SLC6A11: variants seen among roughly 807,000 people sequenced by gnomAD.
SLC6A11 encodes sodium- and chloride-dependent GABA transporter 3.
In SLC6A11, 25 loss-of-function variants were observed where a neutral mutation model predicts 74.8. That is an observed-to-expected ratio of 0.33 (90% confidence interval 0.24 to 0.47). The LOEUF (loss-of-function observed/expected upper bound fraction) is 0.47, where lower values mean the gene tolerates loss of function less well. Among genes scored for constraint, SLC6A11 ranks in the 20% least tolerant of loss-of-function variants. SLC6A11 has a pLI of 1.00. For synonymous variants in SLC6A11, 330 were observed against 330.2 expected (o/e 1.00, Z 0.01); for missense variants, 574 against 837.0 (o/e 0.69, Z 3.88).
chr3:10,917,454 C>G (rs949199284), intron 7 of SLC6A11, among the ~76,000 whole-genome samples: 12 of 152,144 alleles, frequency 7.9e-5, no homozygotes, highest in Non-Finnish European at 1.5e-4. Context: ...AGCTCCTCCC[C>G]TATAAAATGG....
At chr3:10,878,644 A>T (rs1201099475) in intron 6 of SLC6A11, among the ~76,000 whole-genome samples, 1 of 149,258 alleles carries the variant, frequency 6.7e-6, no homozygotes, top group Non-Finnish European at 1.5e-5. Context: ...CAAACTCCTG[A>T]CCTCGTGATC....
rs1039838660 is a variant in SLC6A11, at chr3:10,926,286, T to C, written c.1233+170T>C. 1.3e-5 allele frequency among the ~76,000 whole-genome samples: 2 copies of C among 150,986 alleles called. No homozygotes were observed. Among genetic ancestry groups the C allele is most frequent in the African/African-American group, 4.9e-5 (2 of 41,120 alleles). Reference sequence around the variant, plus strand: ...CCCTCCACTTCCCTCCCAGCAACTCTTGCACCCCCGCCATCCACCAGGTGG... The same window carrying C: ...CCCTCCACTTCCCTCCCAGCAACTCCTGCACCCCCGCCATCCACCAGGTGG... On this transcript the variant is annotated intron_variant, in intron 9 of 13. Transcript: ENST00000254488. This position sits in a 1 kb window ranked among gnomAD's most constrained non-coding sequence, Gnocchi z 5.7.
intron 4 of SLC6A11, among the ~76,000 whole-genome samples, chr3:10,843,166 C>T (rs1430886926): frequency 1.3e-5 from 2 of 152,046 alleles, no homozygotes; most frequent in Non-Finnish European, 2.9e-5. Context: ...GAACACAAAC[C>T]CCAAGCGTGG....
intron 6 of SLC6A11, among the ~76,000 whole-genome samples, chr3:10,888,294 A>C (rs1180126104): frequency 1.3e-5 from 2 of 152,208 alleles, no homozygotes; most frequent in African/African-American, 2.4e-5. Context: ...AGCTGTTTAG[A>C]AAGGGCAAGC....
chr3:10,867,684 G>A (rs1253728310), intron 5 of SLC6A11, among the ~76,000 whole-genome samples: 1 of 152,148 alleles, frequency 6.6e-6, no homozygotes, highest in African/African-American at 2.4e-5. Context: ...GTGGTCCACG[G>A]GATGATTTCA....
intron 6 of SLC6A11, among the ~76,000 whole-genome samples, chr3:10,896,359 G>A (rs1454996977): frequency 6.6e-6 from 1 of 152,212 alleles, no homozygotes; most frequent in Non-Finnish European, 1.5e-5. Context: ...CATTTACTGT[G>A]AGCCAGGTGC....
intron 6 of SLC6A11, among the ~76,000 whole-genome samples, chr3:10,893,307 T>A (rs1650524847): frequency 6.6e-6 from 1 of 152,186 alleles, no homozygotes; most frequent in South Asian, 2.1e-4. Flanking sequence ...TATCTTATAC[T>A]TGCTCCCCTT....
intron 6 of SLC6A11, among the ~76,000 whole-genome samples, chr3:10,884,995 C>A (rs1333994878): frequency 2.0e-5 from 3 of 152,084 alleles, no homozygotes; most frequent in African/African-American, 7.3e-5. Flanking sequence ...AACTGAGGCA[C>A]AAGTCGGCCT....
rs146559690 is a variant in SLC6A11, at chr3:10,905,546, G to A, written c.892-6544G>A. Among the ~76,000 whole-genome samples, 1,114 of 152,304 alleles carry A rather than the reference G, an allele frequency of 7.3e-3. 17 individuals are homozygous for A. The highest frequency in any genetic ancestry group is 0.025 in the African/African-American group (1,046 of 41,568). Reference sequence around the variant, plus strand: ...ATTGTGCTAAAATACTGAAATTTGTGGGTTTATTGTTTAATACAGAGTAAC... The same window carrying A: ...ATTGTGCTAAAATACTGAAATTTGTAGGTTTATTGTTTAATACAGAGTAAC... On this transcript the variant is annotated intron_variant, in intron 6 of 13. Coordinates refer to ENST00000254488, the MANE Select transcript of SLC6A11 (RefSeq NM_014229.3).
chr3:10,907,766 C>CA (rs1246679290), intron 6 of SLC6A11, among the ~76,000 whole-genome samples: 1 of 152,208 alleles, frequency 6.6e-6, no homozygotes, highest in Non-Finnish European at 1.5e-5. Context: ...ATTTTATATA[C>CA]AGCCAAATTG....
intron 6 of SLC6A11, among the ~76,000 whole-genome samples, chr3:10,910,819 A>ATTTT (rs67011478): frequency 2.0e-4 from 25 of 126,364 alleles, no homozygotes; most frequent in Non-Finnish European, 2.6e-4. Context: ...GTTGCTGTGA[A>ATTTT]TTTTTTTTTT....
chr3:10,853,903 T>C (rs1240137630), intron 5 of SLC6A11, among the ~76,000 whole-genome samples: 1 of 152,166 alleles, frequency 6.6e-6, no homozygotes, highest in Admixed American at 6.5e-5. Flanking sequence ...ACCTGGATGG[T>C]AGCACCAGTG....
At chr3:10,828,488 G>A (rs1042002058) in intron 4 of SLC6A11, among the ~76,000 whole-genome samples, 1 of 152,168 alleles carries the variant, frequency 6.6e-6, no homozygotes, top group African/African-American at 2.4e-5. Context: ...AGTGAAGGTT[G>A]GTTCTTTCTG....
chr3:10,892,254 C>T (rs2106615779), intron 6 of SLC6A11, among the ~76,000 whole-genome samples: 1 of 152,372 alleles, frequency 6.6e-6, no homozygotes, highest in Non-Finnish European at 1.5e-5. Flanking sequence ...CGCTGGAAAG[C>T]CCTACAGGGC....
intron 5 of SLC6A11, among the ~76,000 whole-genome samples, chr3:10,856,304 G>C (rs186522982): frequency 1.3e-5 from 2 of 152,334 alleles, no homozygotes; most frequent in Non-Finnish European, 2.9e-5. Context: ...GGGTTGAGAG[G>C]GAAGCAGGGA....
chr3:10,873,998 CTATGCTATGCTAT>C (rs1694878117), intron 5 of SLC6A11, among the ~76,000 whole-genome samples: 5 of 152,050 alleles, frequency 3.3e-5, no homozygotes, highest in Non-Finnish European at 7.4e-5. Flanking sequence ...CTACGCTATG[CTATGCTATGCTAT>C]GCTATACCAT....
At position 10,938,418 on chromosome 3, in the gene SLC6A11, C is replaced by T. The variant is rs766637316; in HGVS notation, c.*16C>T. 1.1e-5 allele frequency: 17 copies of T among 1,575,468 alleles called. No individual in the cohort carries two copies. The highest frequency in any genetic ancestry group is 1.8e-5 in the Admixed American group (1 of 56,860). On this transcript the variant is annotated 3_prime_UTR_variant, in exon 14 of 14. Coordinates refer to ENST00000254488, the MANE Select transcript of SLC6A11 (RefSeq NM_014229.3). The stretch of plus-strand genomic sequence containing the variant: ...GCACTTCTGAGCGGCCACCAGCCAT[C>T]TGGGGCTCTTCTTCCTTTCTTCCCC...
At chr3:10,896,099 A>T (rs962385415) in intron 6 of SLC6A11, among the ~76,000 whole-genome samples, 3 of 152,230 alleles carry the variant, frequency 2.0e-5, no homozygotes, top group African/African-American at 7.2e-5. Flanking sequence ...CCCTGCAGTG[A>T]AGGCTGGGCA....
At chr3:10,901,676 C>T (rs1285661740) in intron 6 of SLC6A11, among the ~76,000 whole-genome samples, 1 of 152,240 alleles carries the variant, frequency 6.6e-6, no homozygotes, top group Non-Finnish European at 1.5e-5. Context: ...AAAGCCCTCT[C>T]CCACCATGGA....
Sources: gnomAD v4.1 joint callset for allele counts (sites outside exome capture counted in the v4.1 genomes callset) on GRCh38, gnomAD v4.1.1 for gene constraint, Gnocchi (gnomAD v3.1) non-coding constraint, MANE v1.5 for transcripts, NCBI Gene and HGNC (gene_info 2026-07-23, HGNC 2026-07-21) for gene names.